The following SEC14L5 variants were observed in gnomAD, a reference collection of about 807,000 sequenced individuals.
SEC14L5 encodes the protein SEC14 like lipid binding 5.
A neutral mutation model predicts 84.6 loss-of-function variants in SEC14L5; 96 were observed. The ratio of observed to expected loss-of-function variants is 1.13; its 90% CI spans 0.96 to 1.34. SEC14L5 has a LOEUF of 1.34. SEC14L5 is among the 40% of genes most tolerant of loss of function. The probability of loss-of-function intolerance (pLI) is 0.00; values close to 1 mark genes in which losing one functional copy is unlikely to be tolerated. For missense variants in SEC14L5, 1,224 were observed against 942.5 expected, an observed-to-expected ratio of 1.30 and a Z score of -3.91; for synonymous variants, 546 against 383.4, an observed-to-expected ratio of 1.42 and a Z score of -4.95.
chr16:4,963,504 CT>C (rs1955155049), intron 2 of SEC14L5, among the ~76,000 whole-genome samples: 1 of 152,232 alleles, frequency 6.6e-6, no homozygotes, highest in Admixed American at 6.5e-5. Context: ...TGCTACCACA[CT>C]TGACTAATTT....
intron 2 of SEC14L5, 49 bp from the exon 3 acceptor site, chr16:4,987,508 G>GGT: frequency 1.4e-6 from 2 of 1,445,170 alleles, no homozygotes; most frequent in Non-Finnish European, 9.2e-7. Context: ...GGGGGGGGGG[G>GGT]TCCCTCTGCC....
chr16:5,000,027 C>T (rs186058175), intron 8 of SEC14L5, among the ~76,000 whole-genome samples: 100 of 152,192 alleles, frequency 6.6e-4, no homozygotes, highest in African/African-American at 2.3e-3. Flanking sequence ...TGCGGTGGCT[C>T]ATGCCTGTGA....
At chr16:4,977,469 A>AAG (rs1955358765) in intron 2 of SEC14L5, among the ~76,000 whole-genome samples, 1 of 11,768 alleles carries the variant, frequency 8.5e-5, no homozygotes. Context: ...AAAAAAAAAA[A>AAG]GGAAAAAAAA....
In SEC14L5 at chr16:5,018,511, T is replaced by G. The variant is rs1293361228; in HGVS notation, c.*3541T>G. ...GTGAGACCCTGTCTCTACAAAAAAT[T>G]AAAAAATGAGCCAGGCGTGGTGGTG... is the stretch of plus-strand genomic sequence containing the variant. On this transcript the variant is annotated 3_prime_UTR_variant, in exon 16 of 16. Transcript: ENST00000251170. 2 of 151,778 alleles carry G rather than the reference T, an allele frequency of 1.3e-5. No homozygotes were observed. Among genetic ancestry groups the G allele is most frequent in the African/African-American group, 4.8e-5 (2 of 41,274 alleles). 9.4% of individuals were successfully genotyped at this position (151,778 alleles called of 1,614,324 possible).
In SEC14L5 at chr16:5,015,175, G is replaced by C. The variant is rs1243715135; in HGVS notation, c.*205G>C. On this transcript the variant is annotated 3_prime_UTR_variant, in exon 16 of 16. Transcript: ENST00000251170. ...CAGGGCTCTTGAAATTGCAAGGACA[G>C]AACCATCTCCTTCCGGCTTCGTGTA... The C allele has an allele frequency of 5.2e-6, 3 of 577,164 alleles. No individual in the cohort carries two copies. In the South Asian group the frequency reaches 6.5e-5, roughly 13 times the overall value. The allele number at this position is 577,164 out of a possible 1,614,324, so 35.8% of individuals were successfully genotyped here.
chr16:4,993,814 T>C (rs1238934758), intron 6 of SEC14L5, among the ~76,000 whole-genome samples: 1 of 152,246 alleles, frequency 6.6e-6, no homozygotes, highest in Non-Finnish European at 1.5e-5. Context: ...TAATTGCATC[T>C]ATTCCTGACT....
rs1176667284 is a variant in SEC14L5, at chr16:4,959,310, G to A, written c.-14G>A. 10 of 1,611,826 alleles carry A rather than the reference G, an allele frequency of 6.2e-6. No homozygotes were observed. Among genetic ancestry groups the A allele is most frequent in the Non-Finnish European group, 8.5e-6 (10 of 1,177,952 alleles). On this transcript the variant is annotated 5_prime_UTR_variant, in exon 2 of 16. Coordinates refer to ENST00000251170, the MANE Select transcript of SEC14L5 (RefSeq NM_014692.2). ...CCCCTGCCTGGTGACCTCCATTGGT[G>A]CTCCAGCGTGAACATGGTGCAAAGA...
At chr16:5,003,287 C>A (rs972105239) in intron 10 of SEC14L5, 115 bp from the exon 11 acceptor site, 7 of 749,254 alleles carry the variant, frequency 9.3e-6, no homozygotes, top group Non-Finnish European at 1.6e-5. Flanking sequence ...GCAGGAGCCC[C>A]CATCTGCTCC....
chr16:5,006,412 G>T (rs1263738449), intron 12 of SEC14L5, among the ~76,000 whole-genome samples: 1 of 152,214 alleles, frequency 6.6e-6, no homozygotes, highest in Non-Finnish European at 1.5e-5. Flanking sequence ...CAGGGGAGGT[G>T]ACTCGAATGT....
Position 4,993,110 on chromosome 16 carries a change from G to A in SEC14L5, c.667+1080G>A, listed in dbSNP as rs182019108. On this transcript the variant is annotated intron_variant, in intron 6 of 15. Transcript: ENST00000251170. ...CAGCTTGGTATGCAGTGGTGCAATC[G>A]TGTCTCTCTGTAACCTTGAAATCCT... Among the ~76,000 whole-genome samples the A allele has an allele frequency of 4.6e-5, 7 of 152,132 alleles. No individual in the cohort carries two copies. In the East Asian group the frequency reaches 5.8e-4, roughly 13 times the overall value.
chr16:4,968,166 T>A (rs1211037016), intron 2 of SEC14L5, among the ~76,000 whole-genome samples: 1 of 150,894 alleles, frequency 6.6e-6, no homozygotes, highest in Non-Finnish European at 1.5e-5. Context: ...ACCACAGGTG[T>A]TCACCACCAC....
At chr16:5,009,988 C>A (rs1237491697) in intron 14 of SEC14L5, among the ~76,000 whole-genome samples, 4 of 151,656 alleles carry the variant, frequency 2.6e-5, no homozygotes, top group Admixed American at 6.6e-5. Flanking sequence ...GTGCTAAGGT[C>A]CTGAGGTCAG....
In SEC14L5 at chr16:4,963,611, G is replaced by T. The variant is rs925869843; in HGVS notation, c.63+4225G>T. ...TCCGCCCGCCTTGGCCTCCCAAAGT[G>T]CTGGGATTAGAGGCGCGAGCCACTG... On this transcript the variant is annotated intron_variant, in intron 2 of 15. Transcript: ENST00000251170. 2.2e-4 allele frequency among the ~76,000 whole-genome samples: 34 copies of T among 152,256 alleles called. 1 individual carries two copies. In the East Asian group the frequency reaches 6.2e-3, roughly 28 times the overall value.
At position 5,000,705 on chromosome 16, in the gene SEC14L5, T is replaced by G. The variant is rs1296789676; in HGVS notation, c.1021T>G (p.Leu341Val). The change falls in exon 9 of 16, where the codon TTG becomes GTG. Residue 341 changes from leucine to valine, a missense_variant. Coordinates refer to ENST00000251170, the MANE Select transcript of SEC14L5 (RefSeq NM_014692.2). ...LRLGQMDTKG[L>V]MKAVGEEALL... Reference sequence around the variant, plus strand: ...CCTGGGCCAGATGGACACCAAAGGCTTGATGAAGGCCGTGGGGGAGGAGGC... The same window carrying G: ...CCTGGGCCAGATGGACACCAAAGGCGTGATGAAGGCCGTGGGGGAGGAGGC... 3 of 1,552,330 alleles carry G rather than the reference T, an allele frequency of 1.9e-6. No individual in the cohort carries two copies. The highest frequency in any genetic ancestry group is 1.7e-6 in the Non-Finnish European group (2 of 1,147,610).
At chr16:5,000,502 A>G (rs544407174) in intron 8 of SEC14L5, among the ~76,000 whole-genome samples, 153 bp from the exon 9 acceptor site, 1 of 152,284 alleles carries the variant, frequency 6.6e-6, no homozygotes, top group Admixed American at 6.5e-5. Flanking sequence ...CCCCTCTTGG[A>G]AGCAGGCAGG....
At chr16:5,002,711 A>G (rs1238341073) in intron 10 of SEC14L5, among the ~76,000 whole-genome samples, 1 of 152,112 alleles carries the variant, frequency 6.6e-6, no homozygotes, top group Non-Finnish European at 1.5e-5. Flanking sequence ...GCTGCAGTCA[A>G]ACAGTTATTT....
At chr16:4,967,155 C>T (rs1955210630) in intron 2 of SEC14L5, among the ~76,000 whole-genome samples, 1 of 152,156 alleles carries the variant, frequency 6.6e-6, no homozygotes, top group African/African-American at 2.4e-5. Context: ...TTCTGGAGGC[C>T]AGAAGCCTGA....
chr16:5,015,334 A>C lies in SEC14L5; in HGVS notation c.*364A>C. The C allele has an allele frequency of 1.4e-5, 3 of 214,532 alleles. No individual in the cohort carries two copies. The highest frequency in any genetic ancestry group is 2.8e-5 in the Non-Finnish European group (3 of 107,258). The allele number at this position is 214,532 out of a possible 1,614,324, so 13.3% of individuals were successfully genotyped here. A position where few individuals can be genotyped will look rare whatever the true frequency, so the allele number is the denominator to read the frequency against. ...TTTCGCCATGCAGGGGACCATCACT[A>C]TCAGGTGCCCTTCTCCTCCCTGCAG... On this transcript the variant is annotated 3_prime_UTR_variant, in exon 16 of 16. Coordinates refer to ENST00000251170, the MANE Select transcript of SEC14L5 (RefSeq NM_014692.2).
chr16:5,008,522 C>G lies in SEC14L5; in HGVS notation c.1674C>G (p.Pro558=). The G allele has an allele frequency of 6.2e-7, 1 of 1,609,908 alleles. No individual in the cohort carries two copies. The highest frequency in any genetic ancestry group is 8.5e-7 in the Non-Finnish European group (1 of 1,178,550). Residue 558 remains proline (P), a synonymous_variant, in exon 14 of 16, where the codon CCC becomes CCG. Coordinates refer to ENST00000251170, the MANE Select transcript of SEC14L5 (RefSeq NM_014692.2). ...GCCTGTACCACACCAAGCAGGCGCC[C>G]AGGCTGGGCGCCCGGGAACCGGGGA... ...VFSLYHTKQA[P]RLGAREPGTR...
Sources: allele counts gnomAD v4.1 joint callset (sites outside exome capture counted in the v4.1 genomes callset), GRCh38; gene constraint gnomAD v4.1.1; transcripts MANE v1.5; gene names NCBI Gene and HGNC (gene_info 2026-07-23, HGNC 2026-07-21).